Variants in ZNF283 observed in about 807,000 individuals in gnomAD.
ZNF283 encodes zinc finger protein 283, also known as zinc finger protein 41.
Under a neutral mutation model 9.2 loss-of-function variants are expected in ZNF283, and 10 were observed. That is an observed-to-expected ratio of 1.09 (90% CI 0.67 to 1.85). The LOEUF (loss-of-function observed/expected upper bound fraction) is 1.85, where lower values mean the gene tolerates loss of function less well. ZNF283 is among the 40% of genes most tolerant of loss of function. ZNF283 has a pLI of 0.00. For missense variants in ZNF283, 631 were observed against 760.1 expected (o/e 0.83, Z 2.00); for synonymous variants, 234 against 244.1 (o/e 0.96, Z 0.38).
Position 43,847,414 on chromosome 19 carries a change from C to A in ZNF283, c.813C>A (p.Thr271=), listed in dbSNP as rs372629226. ...ATGAGTGTAAGGAATGTGGGAAGACCTTTAGCTGGGGATCAAGCCTTGTTA... is the reference window on the plus strand; with the variant it reads ...ATGAGTGTAAGGAATGTGGGAAGACATTTAGCTGGGGATCAAGCCTTGTTA... ...KPYECKECGK[T]FSWGSSLVKH... Residue 271 remains threonine (T), a synonymous_variant, in exon 7 of 7, where the codon ACC becomes ACA. Transcript: ENST00000618787. 6.3e-5 allele frequency: 102 copies of A among 1,613,004 alleles called. 1 individual carries two copies. In the Middle Eastern group the frequency reaches 1.3e-3, roughly 21 times the overall value.
chr19:43,848,111 C>T lies in ZNF283; in HGVS notation c.1510C>T (p.Arg504Ter), dbSNP rs773109697. 5 of 1,612,570 alleles carry T rather than the reference C, an allele frequency of 3.1e-6. No individual in the cohort carries two copies. Among genetic ancestry groups the T allele is most frequent in the South Asian group, 1.1e-5 (1 of 91,018 alleles). The change falls in exon 7 of 7, where the codon CGA becomes TGA. Residue 504 changes from arginine to a stop codon, truncating the protein, a stop_gained. Transcript: ENST00000618787. LOFTEE classifies it low-confidence loss of function (END_TRUNC). ...KTFCSGYQLT[R>*]HQVFHTGEKP... ...CTTTTGTAGTGGGTATCAACTTACT[C>T]GACATCAGGTATTTCACACTGGTGA...
chr19:43,835,667 G>T, intron 5 of ZNF283, 75 bp downstream of exon 5: 1 of 1,245,138 alleles, frequency 8.0e-7, no homozygotes. Flanking sequence ...ATTTTCCTTA[G>T]ACCTATAGAA....
Position 43,848,525 on chromosome 19 carries a change from C to T in ZNF283, c.1924C>T (p.Leu642Phe), listed in dbSNP as rs1196238805. The part of the protein sequence containing the change: ...FGKTFTCGSK[L>F]VHERTHSNDK... ...GAAGACCTTTACTTGTGGCTCAAAACTTGTTCATGAGAGAACTCATAGTAA... is the reference window on the plus strand; with the variant it reads ...GAAGACCTTTACTTGTGGCTCAAAATTTGTTCATGAGAGAACTCATAGTAA... Residue 642 changes from leucine (L) to phenylalanine (F), a missense_variant, in exon 7 of 7, where the codon CTT becomes TTT. By Grantham distance (22) the Leu-to-Phe change is conservative (BLOSUM62 0). Around this residue, in one of 3 missense-constraint regions of ZNF283, gnomAD observed 444 missense variants for 522.5 expected, o/e 0.85. Coordinates refer to ENST00000618787, the MANE Select transcript of ZNF283 (RefSeq NM_181845.2). 5 of 1,612,986 alleles carry T rather than the reference C, an allele frequency of 3.1e-6. No homozygotes were observed. Among genetic ancestry groups the T allele is most frequent in the East Asian group, 2.2e-5 (1 of 44,858 alleles).
chr19:43,834,222 CAAGAT>C (rs1229578059), intron 4 of ZNF283, among the ~76,000 whole-genome samples: 1 of 150,734 alleles, frequency 6.6e-6, no homozygotes, highest in African/African-American at 2.4e-5. Flanking sequence ...ATCCATCAGT[CAAGAT>C]AAGAAAAGTA....
intron 6 of ZNF283, among the ~76,000 whole-genome samples, chr19:43,841,892 A>G (rs1459406534): frequency 3.9e-5 from 6 of 152,140 alleles, no homozygotes; most frequent in African/African-American, 1.4e-4. Context: ...TTTTATATAT[A>G]CTTTATTCTC....
In ZNF283 at chr19:43,842,652, T is replaced by A. The variant is rs185150928; in HGVS notation, c.338-4287T>A. ...AGACCCCTGGGAGTTCCCAAGAACCTTTCAGTGGGCCAAACCTTTCACAAA... is the reference window on the plus strand; with the variant it reads ...AGACCCCTGGGAGTTCCCAAGAACCATTCAGTGGGCCAAACCTTTCACAAA... On this transcript the variant is annotated intron_variant, in intron 6 of 6. Transcript: ENST00000618787. Among the ~76,000 whole-genome samples, 33 of 152,350 alleles carry A rather than the reference T, an allele frequency of 2.2e-4. No homozygotes were observed. The East Asian group carries it at 3.1e-3, about 14-fold the overall frequency.
At chr19:43,841,896 T>A (rs895513174) in intron 6 of ZNF283, among the ~76,000 whole-genome samples, 1 of 152,220 alleles carries the variant, frequency 6.6e-6, no homozygotes, top group African/African-American at 2.4e-5. Flanking sequence ...ATATATACTT[T>A]ATTCTCTGTT....
At chr19:43,839,109 A>T (rs1387197102) in intron 6 of ZNF283, among the ~76,000 whole-genome samples, 2 of 152,130 alleles carry the variant, frequency 1.3e-5, no homozygotes, top group African/African-American at 4.8e-5. Flanking sequence ...CTCTTGTCTA[A>T]CATTTCTTCT....
chr19:43,848,406 A>G lies in ZNF283; in HGVS notation c.1805A>G (p.Lys602Arg). Residue 602 changes from lysine (K) to arginine (R), a missense_variant, in exon 7 of 7, where the codon AAA becomes AGA. By Grantham distance (26) the Lys-to-Arg change is conservative. Around this residue, in one of 3 missense-constraint regions of ZNF283, gnomAD observed 444 missense variants for 522.5 expected, o/e 0.85. Coordinates refer to ENST00000618787, the MANE Select transcript of ZNF283 (RefSeq NM_181845.2). ...ACTAATGAGAAGTCTTATGAATGTAAAGACTGTGGGAAGGCCTTTGGTAGT... is the reference window on the plus strand; with the variant it reads ...ACTAATGAGAAGTCTTATGAATGTAGAGACTGTGGGAAGGCCTTTGGTAGT... Reference protein sequence around the residue: ...VHTNEKSYECKDCGKAFGSGY... With the variant: ...VHTNEKSYECRDCGKAFGSGY... 1 of 1,613,988 alleles carries G rather than the reference A, an allele frequency of 6.2e-7. No homozygotes were observed. The highest frequency in any genetic ancestry group is 8.5e-7 in the Non-Finnish European group (1 of 1,179,926).
chr19:43,830,403 GTCT>G (rs1970653314), intron 2 of ZNF283, among the ~76,000 whole-genome samples: 1 of 152,122 alleles, frequency 6.6e-6, no homozygotes, highest in South Asian at 2.1e-4. Context: ...TTAACCTGAG[GTCT>G]TCTTGTTCCA....
rs750397016 is a variant in ZNF283 at position 43,837,192 on chromosome 19, G to T, written c.337+13G>T. Reference sequence around the variant, plus strand: ...TTGGTGTCACTGGGTAAGGTCATCTGCCTGAAATAATTTAGAGTCTCCTCT... The same window carrying T: ...TTGGTGTCACTGGGTAAGGTCATCTTCCTGAAATAATTTAGAGTCTCCTCT... On this transcript the variant is annotated intron_variant, in intron 6 of 6. Coordinates refer to ENST00000618787, the MANE Select transcript of ZNF283 (RefSeq NM_181845.2). 3 of 1,574,370 alleles carry T rather than the reference G, an allele frequency of 1.9e-6. No homozygotes were observed. The highest frequency in any genetic ancestry group is 2.6e-6 in the Non-Finnish European group (3 of 1,162,604).
In ZNF283 at chr19:43,847,111, T is replaced by C. The variant is rs1377579481; in HGVS notation, c.510T>C (p.His170=). Residue 170 remains histidine, a synonymous_variant, in exon 7 of 7, where the codon CAT becomes CAC. Coordinates refer to ENST00000618787, the MANE Select transcript of ZNF283 (RefSeq NM_181845.2). The part of the protein sequence containing the change: ...CKSIFEGLKG[H]QEGYFSQMII... ...GCATATTCGAGGGACTAAAAGGACA[T>C]CAAGAGGGATACTTCAGTCAAATGA... 1.9e-6 allele frequency: 3 copies of C among 1,613,398 alleles called. No individual in the cohort carries two copies. The African/African-American group carries it at 4.0e-5, about 22-fold the overall frequency.
intron 3 of ZNF283, among the ~76,000 whole-genome samples, chr19:43,831,792 T>C (rs1204524703): frequency 6.6e-6 from 1 of 152,138 alleles, no homozygotes; most frequent in Admixed American, 6.5e-5. Context: ...CATGCCCAGC[T>C]AATTTTTCAT....
At chr19:43,840,244 C>T (rs1272645625) in intron 6 of ZNF283, among the ~76,000 whole-genome samples, 1 of 152,160 alleles carries the variant, frequency 6.6e-6, no homozygotes, top group Non-Finnish European at 1.5e-5. Flanking sequence ...AAAAAAGGTC[C>T]ATTAGCCCTT....
intron 6 of ZNF283, among the ~76,000 whole-genome samples, chr19:43,845,709 T>C (rs1549955): frequency 0.4 from 61,440 of 151,838 alleles, 12,854 homozygotes; most frequent in South Asian, 0.55. Context: ...TTTCCTCATA[T>C]AGAGTGGACA....
In ZNF283 at chr19:43,848,131, T is replaced by C. The variant is rs1309512833; in HGVS notation, c.1530T>C (p.Thr510=). Residue 510 remains threonine (T), a synonymous_variant, in exon 7 of 7, where the codon ACT becomes ACC. Transcript: ENST00000618787. ...TTACTCGACATCAGGTATTTCACAC[T>C]GGTGAGAAACCCTATGAATGTAAGG... ...YQLTRHQVFH[T]GEKPYECKEC... 4 of 1,613,804 alleles carry C rather than the reference T, an allele frequency of 2.5e-6. No individual in the cohort carries two copies. The Admixed American group carries it at 6.7e-5, about 27-fold the overall frequency.
chr19:43,833,856 C>T (rs183995294), intron 4 of ZNF283: 1 of 152,242 alleles, frequency 6.6e-6, no homozygotes, highest in East Asian at 1.9e-4. Flanking sequence ...AATGCCTGAC[C>T]CTGTGATACT....
intron 6 of ZNF283, among the ~76,000 whole-genome samples, chr19:43,845,698 A>G (rs1316111518): frequency 6.6e-6 from 1 of 152,062 alleles, no homozygotes; most frequent in Non-Finnish European, 1.5e-5. Context: ...TAATACTTTA[A>G]TTTCCTCATA....
Position 43,847,291 on chromosome 19 carries a change from A to G in ZNF283, c.690A>G (p.Thr230=), listed in dbSNP as rs199519456. The G allele has an allele frequency of 2.6e-4, 422 of 1,613,400 alleles. 1 individual carries two copies. Among genetic ancestry groups the G allele is most frequent in the Non-Finnish European group, 9.6e-5 (113 of 1,179,670 alleles). The change falls in exon 7 of 7, where the codon ACA becomes ACG. Residue 230 remains threonine (T), a synonymous_variant. Transcript: ENST00000618787. ...SKLVQHERTH[T]AEKHFECKEC... ...TTGTTCAACATGAGAGAACTCATACAGCTGAAAAACACTTTGAATGTAAAG... is the reference window on the plus strand; with the variant it reads ...TTGTTCAACATGAGAGAACTCATACGGCTGAAAAACACTTTGAATGTAAAG...
Sources: allele counts gnomAD v4.1 joint callset (sites outside exome capture counted in the v4.1 genomes callset), GRCh38; gene constraint gnomAD v4.1.1; regional missense constraint gnomAD v4.1.1; transcripts MANE v1.5; gene names NCBI Gene and HGNC (gene_info 2026-07-23, HGNC 2026-07-21).